Variants in TSPAN15 observed in about 807,000 individuals in gnomAD.
TSPAN15 encodes tetraspanin 15, also known as tetraspanin-15.
Under a neutral mutation model 34.5 loss-of-function variants are expected in TSPAN15, and 20 were observed. The ratio of observed to expected loss-of-function variants is 0.58; its 90% confidence interval spans 0.41 to 0.84. TSPAN15 has a LOEUF of 0.84. TSPAN15 is among the 40% of genes least tolerant of loss of function. The pLI is 0.00. For missense variants in TSPAN15, 313 were observed against 386.1 expected (o/e 0.81, Z 1.59); for synonymous variants, 155 against 153.9 (o/e 1.01, Z -0.05).
the TSPAN15 span, among the ~76,000 whole-genome samples, chr10:69,537,568 A>G: frequency 1.3e-5 from 2 of 152,166 alleles, no homozygotes; most frequent in African/African-American, 2.4e-5. Context: ...GCAGAAATCC[A>G]TAATCTTCAC....
At chr10:69,508,433 T>C (rs1273441428), downstream of TSPAN15, among the ~76,000 whole-genome samples, 1 of 82,936 alleles carries the variant, frequency 1.2e-5, no homozygotes, top group Admixed American at 2.0e-4. Context: ...AGAGTGAGAC[T>C]CCATCTCAAA....
At chr10:69,543,255 G>T in the TSPAN15 span, among the ~76,000 whole-genome samples, 3 of 151,962 alleles carry the variant, frequency 2.0e-5, no homozygotes, top group East Asian at 1.9e-4. Flanking sequence ...ATTCCAAAGG[G>T]GGGTAAGACA....
chr10:69,511,795 A>G (rs1842417316), downstream of TSPAN15, among the ~76,000 whole-genome samples: 1 of 152,188 alleles, frequency 6.6e-6, no homozygotes, highest in African/African-American at 2.4e-5. Flanking sequence ...TTGCAGGGAC[A>G]TGGATGAAGC....
At chr10:69,469,804 A>G (rs1173839978) in intron 1 of TSPAN15, among the ~76,000 whole-genome samples, 1 of 152,118 alleles carries the variant, frequency 6.6e-6, no homozygotes, top group Middle Eastern at 3.2e-3. Flanking sequence ...TTGGCCTCCC[A>G]GAGTGCTAGG....
At chr10:69,483,926 G>A (rs755301789) in intron 2 of TSPAN15, 50 bp downstream of exon 2, 1 of 1,577,890 alleles carries the variant, frequency 6.3e-7, no homozygotes. Context: ...GAGAGCTGGG[G>A]CGCCTGCCCC....
In TSPAN15 at chr10:69,507,269, T is replaced by C; in HGVS notation, c.*291T>C. ...CCTGGGCTACGGGGGAGGGAGAGCC[T>C]GAGGCTCTGCTCAGGGCCCATTTCA... On this transcript the variant is annotated 3_prime_UTR_variant, in exon 8 of 8. Transcript: ENST00000373290. 1 of 1,327,326 alleles carries C rather than the reference T, an allele frequency of 7.5e-7. No individual in the cohort carries two copies. Among genetic ancestry groups the C allele is most frequent in the Non-Finnish European group, 9.7e-7 (1 of 1,035,126 alleles). 82.2% of individuals were successfully genotyped at this position (1,327,326 alleles called of 1,614,324 possible).
chr10:69,455,398 A>C (rs955389986), intron 1 of TSPAN15, among the ~76,000 whole-genome samples: 2 of 152,092 alleles, frequency 1.3e-5, no homozygotes, highest in Non-Finnish European at 2.9e-5. Flanking sequence ...TGAATTATGG[A>C]GATCTGCTAG....
chr10:69,485,459 A>T (rs990235638), intron 3 of TSPAN15, among the ~76,000 whole-genome samples: 1 of 152,042 alleles, frequency 6.6e-6, no homozygotes, highest in Admixed American at 6.6e-5. Context: ...GAGCCAGCTG[A>T]GTGAGGTCCC....
chr10:69,517,578 A>C, the TSPAN15 span, among the ~76,000 whole-genome samples: 1 of 152,180 alleles, frequency 6.6e-6, no homozygotes, highest in Non-Finnish European at 1.5e-5. Context: ...ACCTGGATAG[A>C]GAGTGGGCAG....
chr10:69,472,238 T>G (rs1401106402), intron 1 of TSPAN15, among the ~76,000 whole-genome samples: 1 of 152,208 alleles, frequency 6.6e-6, no homozygotes, highest in African/African-American at 2.4e-5. Context: ...TGACCTGACC[T>G]GCTGTTCCTG....
chr10:69,525,820 C>A, the TSPAN15 span, among the ~76,000 whole-genome samples: 606 of 115,478 alleles, frequency 5.2e-3, no homozygotes, highest in East Asian at 5.6e-3. Flanking sequence ...GACTCTGTCT[C>A]AAAAAAAAAA....
intron 5 of TSPAN15, among the ~76,000 whole-genome samples, chr10:69,503,903 A>G (rs1842264305): frequency 6.6e-6 from 1 of 152,036 alleles, no homozygotes; most frequent in South Asian, 2.1e-4. Context: ...AGTTCTGGAG[A>G]GCACCTCTCT....
chr10:69,455,600 C>A (rs996475110), intron 1 of TSPAN15, among the ~76,000 whole-genome samples: 1 of 117,664 alleles, frequency 8.5e-6, no homozygotes, highest in Admixed American at 8.6e-5. Flanking sequence ...CTCTTTCTTT[C>A]TTTCTTTCTC....
At chr10:69,534,029 T>C in the TSPAN15 span, among the ~76,000 whole-genome samples, 2 of 152,156 alleles carry the variant, frequency 1.3e-5, no homozygotes, top group Admixed American at 6.5e-5. Context: ...CTAGGAAAAT[T>C]ACTAGGCTTT....
intron 4 of TSPAN15, among the ~76,000 whole-genome samples, chr10:69,496,319 G>GCAA (rs1395384283): frequency 1.0e-5 from 1 of 95,868 alleles, no homozygotes; most frequent in African/African-American, 4.4e-5. Context: ...ATCTGTTGGT[G>GCAA]CAATAATAAT....
chr10:69,515,301 G>A, the TSPAN15 span, among the ~76,000 whole-genome samples: 1 of 152,126 alleles, frequency 6.6e-6, no homozygotes, highest in African/African-American at 2.4e-5. Context: ...CCTGGAATTT[G>A]AGGTCCTATC....
At chr10:69,520,790 A>G in the TSPAN15 span, among the ~76,000 whole-genome samples, 2 of 152,212 alleles carry the variant, frequency 1.3e-5, no homozygotes, top group Non-Finnish European at 1.5e-5. Flanking sequence ...TTGATTTACA[A>G]ATATCTGTTT....
chr10:69,525,447 G>C, the TSPAN15 span, among the ~76,000 whole-genome samples: 1 of 124,650 alleles, frequency 8.0e-6, no homozygotes, highest in African/African-American at 3.0e-5. Context: ...AGGACTTCAA[G>C]ATCAGCCTTG....
chr10:69,467,238 G>A (rs1841403642), intron 1 of TSPAN15, among the ~76,000 whole-genome samples: 1 of 152,164 alleles, frequency 6.6e-6, no homozygotes, highest in Admixed American at 6.5e-5. Flanking sequence ...GGTGCACTTG[G>A]ATGTGTAATA....
Sources: gnomAD v4.1 joint callset for allele counts (sites outside exome capture counted in the v4.1 genomes callset) on GRCh38, gnomAD v4.1.1 for gene constraint, MANE v1.5 for transcripts, NCBI Gene and HGNC (gene_info 2026-07-23, HGNC 2026-07-21) for gene names.